The following PCDHA3 variants were observed in gnomAD, a reference collection of about 807,000 sequenced individuals.
The protein encoded by PCDHA3 is protocadherin alpha 3, also known as protocadherin alpha-3.
A neutral mutation model predicts 62.2 loss-of-function variants in PCDHA3; 41 were observed. The observed-to-expected ratio is 0.66, with a 90% CI of 0.51 to 0.86. The LOEUF is 0.86. Ranked by LOEUF, PCDHA3 falls within the 40% of genes least tolerant of loss-of-function variation. The pLI, the probability that PCDHA3 is intolerant of heterozygous loss-of-function variation, is 0.00. For synonymous variants in PCDHA3, 640 were observed against 555.4 expected, an observed-to-expected ratio of 1.15 and a Z score of -2.14; for missense variants, 1,304 against 1,241.2, an observed-to-expected ratio of 1.05 and a Z score of -0.76.
At chr5:140,966,528 G>C in intron 1 of PCDHA3, 1 of 446,634 alleles carries the variant, frequency 2.2e-6, no homozygotes, top group Non-Finnish European at 3.9e-6. Context: ...AGCCGAGCCG[G>C]GTTGAGCGAC....
chr5:140,824,627 T>TTTTTTTTTTTTTTTTTTTTG (rs1554130003), intron 1 of PCDHA3: 1 of 134,070 alleles, frequency 7.5e-6, no homozygotes, highest in Admixed American at 7.3e-5. Context: ...TTTTTTTTTT[T>TTTTTTTTTTTTTTTTTTTTG]TTTTTATTTT....
At chr5:140,998,300 G>C (rs1287043977) in intron 3 of PCDHA3, among the ~76,000 whole-genome samples, 1 of 152,194 alleles carries the variant, frequency 6.6e-6, no homozygotes, top group Non-Finnish European at 1.5e-5. Context: ...CACACATTTA[G>C]TAAGGGCACC....
In PCDHA3 at chr5:140,916,964, T is replaced by C. The variant is rs139574694; in HGVS notation, c.2395-61985T>C. On this transcript the variant is annotated intron_variant, in intron 1 of 3. Transcript: ENST00000522353. The stretch of plus-strand genomic sequence containing the variant: ...GTGAGGCTTGCTGAGTTCTGACTGC[T>C]GGGATGAGTGATTCGCCTCTGGCCA... Among the ~76,000 whole-genome samples, 15 of 152,322 alleles carry C rather than the reference T, an allele frequency of 9.8e-5. No individual in the cohort carries two copies. In the East Asian group the frequency reaches 2.9e-3, roughly 29 times the overall value.
chr5:140,905,947 C>T (rs1210025825), intron 1 of PCDHA3, among the ~76,000 whole-genome samples: 7 of 152,124 alleles, frequency 4.6e-5, no homozygotes, highest in African/African-American at 9.7e-5. Context: ...ACTTGGAATC[C>T]GATGTTCAAG....
intron 1 of PCDHA3, among the ~76,000 whole-genome samples, chr5:140,889,484 A>G (rs2062245315): frequency 6.6e-6 from 1 of 152,158 alleles, no homozygotes; most frequent in Admixed American, 6.5e-5. Context: ...TACTTTCTAC[A>G]GAATCTATAG....
rs1554163586 is a variant in PCDHA3, at chr5:140,869,907, C to T, written c.2394+66316C>T. ...TTGTGCTCAAACTAAACGCCACAGA[C>T]CGAGACGAAGGAGTCAATGGAGAGG... is the stretch of plus-strand genomic sequence containing the variant. On this transcript the variant is annotated intron_variant, in intron 1 of 3. Transcript: ENST00000522353. 1.9e-6 allele frequency: 3 copies of T among 1,610,738 alleles called. No individual in the cohort carries two copies. The East Asian group carries it at 6.7e-5, about 36-fold the overall frequency.
chr5:140,864,342 C>A (rs1374000781), intron 1 of PCDHA3: 2 of 152,062 alleles, frequency 1.3e-5, no homozygotes, highest in African/African-American at 4.8e-5. Context: ...GAGTTTAAAA[C>A]ATGTTTAAAT....
intron 1 of PCDHA3, among the ~76,000 whole-genome samples, chr5:140,947,556 A>C (rs1281977555): frequency 1.3e-5 from 2 of 151,584 alleles, no homozygotes; most frequent in Admixed American, 6.6e-5. Flanking sequence ...TTCCGCTGGG[A>C]TTTATATTGG....
At chr5:140,980,347 C>G (rs1329268780) in intron 2 of PCDHA3, among the ~76,000 whole-genome samples, 2 of 152,132 alleles carry the variant, frequency 1.3e-5, no homozygotes, top group African/African-American at 4.8e-5. Context: ...ACATAACTTC[C>G]TGGACTGGGC....
At chr5:140,983,807 G>A (rs1158459034) in intron 3 of PCDHA3, among the ~76,000 whole-genome samples, 1 of 152,100 alleles carries the variant, frequency 6.6e-6, no homozygotes, top group African/African-American at 2.4e-5. Context: ...TGTGTAAAAG[G>A]TTTTTTCCCA....
At chr5:140,971,884 C>A (rs1216931622) in intron 1 of PCDHA3, among the ~76,000 whole-genome samples, 1 of 151,602 alleles carries the variant, frequency 6.6e-6, no homozygotes, top group Admixed American at 6.6e-5. Flanking sequence ...AGGAAATAAG[C>A]TCAGGGAGGT....
intron 1 of PCDHA3, among the ~76,000 whole-genome samples, chr5:140,894,013 T>G (rs1161643824): frequency 1.3e-5 from 2 of 152,232 alleles, no homozygotes; most frequent in African/African-American, 4.8e-5. Flanking sequence ...TGGTTCAAAT[T>G]ACCAGTTCTG....
At chr5:140,935,721 A>G (rs2090523952) in intron 1 of PCDHA3, among the ~76,000 whole-genome samples, 1 of 152,196 alleles carries the variant, frequency 6.6e-6, no homozygotes, top group African/African-American at 2.4e-5. Context: ...ATATATTTAG[A>G]GAAGTCTAGT....
intron 1 of PCDHA3, chr5:140,927,194 T>C (rs2083959275): frequency 1.2e-6 from 2 of 1,614,122 alleles, no homozygotes; most frequent in Non-Finnish European, 1.7e-6. Context: ...GACCTGGTGC[T>C]CGAGGACCCG....
chr5:140,850,049 C>G (rs2150465227), intron 1 of PCDHA3: 5 of 1,596,466 alleles, frequency 3.1e-6, no homozygotes, highest in Non-Finnish European at 3.4e-6. Flanking sequence ...GCAAGGTGTA[C>G]GCGCTGCAGC....
At chr5:140,974,165 G>A (rs1298109600) in intron 1 of PCDHA3, among the ~76,000 whole-genome samples, 1 of 152,164 alleles carries the variant, frequency 6.6e-6, no homozygotes, top group Admixed American at 6.5e-5. Flanking sequence ...TTTCTTTCAA[G>A]AATTTTAACT....
rs2041909016 is a variant in PCDHA3, at chr5:140,850,973, A to G, written c.2394+47382A>G. 2.1e-6 allele frequency: 3 copies of G among 1,455,694 alleles called. No individual in the cohort carries two copies. In the South Asian group the frequency reaches 4.4e-5, roughly 21 times the overall value. 90.2% of individuals were successfully genotyped at this position (1,455,694 alleles called of 1,614,324 possible). A position where few individuals can be genotyped will look rare whatever the true frequency, so the allele number is the denominator to read the frequency against. ...GATTACTCCCAGGGGCCGTTCAAATAGTTTTATTCATTTTTCTAGAAATCC... is the reference window on the plus strand; with the variant it reads ...GATTACTCCCAGGGGCCGTTCAAATGGTTTTATTCATTTTTCTAGAAATCC... On this transcript the variant is annotated intron_variant, in intron 1 of 3. Transcript: ENST00000522353.
At chr5:140,975,795 CT>C (rs1219508800) in intron 1 of PCDHA3, among the ~76,000 whole-genome samples, 2 of 151,168 alleles carry the variant, frequency 1.3e-5, no homozygotes, top group Non-Finnish European at 1.5e-5. Flanking sequence ...TAAATTAAAT[CT>C]TTTTTATAAT....
rs139974024 is a variant in PCDHA3 at position 140,967,301 on chromosome 5, G to A, written c.2395-11648G>A. 5.0e-5 allele frequency: 81 copies of A among 1,612,148 alleles called. No homozygotes were observed. In the African/African-American group the frequency reaches 9.1e-4, roughly 18 times the overall value. ...GAGTGCGCAGGACCCCGACGTGGGC[G>A]CCAACTCAGTACAGACCTACGAGCT... On this transcript the variant is annotated intron_variant, in intron 1 of 3. Coordinates refer to ENST00000522353, the MANE Select transcript of PCDHA3 (RefSeq NM_018906.3).
Sources: gnomAD v4.1 joint callset for allele counts (sites outside exome capture counted in the v4.1 genomes callset) on GRCh38, gnomAD v4.1.1 for gene constraint, MANE v1.5 for transcripts, NCBI Gene and HGNC (gene_info 2026-07-23, HGNC 2026-07-21) for gene names.